The following H3-3A variants were observed in gnomAD, a reference collection of about 807,000 sequenced individuals.
H3-3A encodes histone H3.3.
For synonymous variants in H3-3A, 49 were observed against 61.4 expected, an observed-to-expected ratio of 0.80 and a Z score of 0.95; for missense variants, 7 against 184.0, an observed-to-expected ratio of 0.04 and a Z score of 5.57.
chr1:226,066,291 G>A lies in H3-3A; in HGVS notation c.282+482G>A, dbSNP rs576355384. 61 of 160,024 alleles carry A rather than the reference G, an allele frequency of 3.8e-4. 1 individual carries two copies. Among genetic ancestry groups the A allele is most frequent in the Middle Eastern group, 6.1e-3 (2 of 326 alleles). 9.9% of individuals were successfully genotyped at this position (160,024 alleles called of 1,614,324 possible). A position where few individuals can be genotyped will look rare whatever the true frequency, so the allele number is the denominator to read the frequency against. The stretch of plus-strand genomic sequence containing the variant: ...GTATTAAAAAATTATGCATTAAGAC[G>A]TAAAAGGAGCAGTGAGTGGAGGATA... On this transcript the variant is annotated intron_variant, in intron 3 of 3. Coordinates refer to ENST00000366815, the MANE Select transcript of H3-3A (RefSeq NM_002107.7).
At chr1:226,070,734 C>T (rs1249275482) in intron 3 of H3-3A, among the ~76,000 whole-genome samples, 1 of 152,042 alleles carries the variant, frequency 6.6e-6, no homozygotes, top group Non-Finnish European at 1.5e-5. Flanking sequence ...GATCGCGCTA[C>T]TGCACTCCAG....
intron 3 of H3-3A, among the ~76,000 whole-genome samples, chr1:226,068,999 G>A (rs544509272): frequency 1.5e-4 from 23 of 151,640 alleles, no homozygotes; most frequent in Non-Finnish European, 1.5e-5. Context: ...GAAACTTGTA[G>A]AAGAGTAGTG....
intron 3 of H3-3A, among the ~76,000 whole-genome samples, chr1:226,070,758 G>A (rs1227941352): frequency 1.5e-5 from 2 of 137,468 alleles, no homozygotes; most frequent in East Asian, 4.3e-4. Context: ...GGGCGACAGA[G>A]TAAGACTCCA....
Position 226,065,826 on chromosome 1 carries a change from G to C in H3-3A, c.282+17G>C, listed in dbSNP as rs780928290. On this transcript the variant is annotated intron_variant, in intron 3 of 3. Coordinates refer to ENST00000366815, the MANE Select transcript of H3-3A (RefSeq NM_002107.7). ...GCTTTGCAGGTAAAATGGTGGGTGG[G>C]AAGACTCAGAGTTTGTATTCCTGTT... The C allele has an allele frequency of 6.4e-7, 1 of 1,568,882 alleles. No individual in the cohort carries two copies. Among genetic ancestry groups the C allele is most frequent in the Non-Finnish European group, 8.7e-7 (1 of 1,150,548 alleles).
chr1:226,062,512 G>A (rs1310586065), upstream of H3-3A, among the ~76,000 whole-genome samples: 2 of 148,158 alleles, frequency 1.3e-5, no homozygotes, highest in South Asian at 4.2e-4. Context: ...ACGGCGCGAG[G>A]CGGCCTGGAG....
chr1:226,069,770 G>T (rs1269892174), intron 3 of H3-3A, among the ~76,000 whole-genome samples: 2 of 152,180 alleles, frequency 1.3e-5, no homozygotes, highest in African/African-American at 2.4e-5. Flanking sequence ...GGTGGAGGTT[G>T]CAGTGAGCCG....
At chr1:226,064,882 A>G (rs578065533) in intron 2 of H3-3A, among the ~76,000 whole-genome samples, 12 of 152,288 alleles carry the variant, frequency 7.9e-5, no homozygotes, top group Non-Finnish European at 1.5e-4. Context: ...GGTGTTTTAT[A>G]AAGTTCCTAC....
At chr1:226,070,570 G>A (rs143198531) in intron 3 of H3-3A, among the ~76,000 whole-genome samples, 2,433 of 152,144 alleles carry the variant, frequency 0.016, 59 homozygotes, top group African/African-American at 0.055. Flanking sequence ...TCAGGAGTTC[G>A]AGACCAGCCT....
chr1:226,070,162 C>T (rs1658061010), intron 3 of H3-3A, among the ~76,000 whole-genome samples: 1 of 152,014 alleles, frequency 6.6e-6, no homozygotes, highest in Non-Finnish European at 1.5e-5. Flanking sequence ...GGCATGTTTC[C>T]GGGGCATAGA....
intron 1 of H3-3A, among the ~76,000 whole-genome samples, chr1:226,063,315 TC>T (rs1186265894): frequency 2.0e-5 from 3 of 152,094 alleles, no homozygotes; most frequent in East Asian, 1.9e-4. Context: ...CCATATTTTT[TC>T]CCCCGTTTCT....
chr1:226,067,148 A>T (rs1657954196), intron 3 of H3-3A: 1 of 152,230 alleles, frequency 6.6e-6, no homozygotes. Context: ...ACAATACTGT[A>T]CTTGAAAAGT....
intron 2 of H3-3A, 40 bp from the exon 3 acceptor site, chr1:226,065,616 T>G (rs1172172970): frequency 6.8e-7 from 1 of 1,477,552 alleles, no homozygotes; most frequent in Non-Finnish European, 9.1e-7. Flanking sequence ...TTTGTGCTAG[T>G]TATGTTTTTG....
At chr1:226,071,177 G>A (rs1426402139) in intron 3 of H3-3A, among the ~76,000 whole-genome samples, 174 bp from the exon 4 acceptor site, 1 of 152,068 alleles carries the variant, frequency 6.6e-6, no homozygotes, top group African/African-American at 2.4e-5. Context: ...TTCATAAGCT[G>A]CTTTTGAGCT....
chr1:226,070,065 A>C (rs954521542), intron 3 of H3-3A, among the ~76,000 whole-genome samples: 6 of 152,306 alleles, frequency 3.9e-5, no homozygotes, highest in South Asian at 2.1e-4. Flanking sequence ...AATGGGAAAA[A>C]CCAGAGAAAT....
Position 226,067,507 on chromosome 1 carries a change from G to A in H3-3A, c.282+1698G>A, listed in dbSNP as rs372728644. 3.9e-5 allele frequency among the ~76,000 whole-genome samples: 6 copies of A among 152,312 alleles called. No individual in the cohort carries two copies. In the South Asian group the frequency reaches 1.2e-3, roughly 32 times the overall value. On this transcript the variant is annotated intron_variant, in intron 3 of 3. Coordinates refer to ENST00000366815, the MANE Select transcript of H3-3A (RefSeq NM_002107.7). ...TAATCCCAACACTTTGGGAGGCTGAGGTGGGTAGATCACCTGAGGTCAGGA... is the reference window on the plus strand; with the variant it reads ...TAATCCCAACACTTTGGGAGGCTGAAGTGGGTAGATCACCTGAGGTCAGGA...
At chr1:226,066,018 C>G in intron 3 of H3-3A, 2 of 599,012 alleles carry the variant, frequency 3.3e-6, no homozygotes, top group Non-Finnish European at 6.1e-6. Context: ...CTATTTGACT[C>G]CAAGGCTTAG....
intron 3 of H3-3A, among the ~76,000 whole-genome samples, chr1:226,069,517 A>T (rs990032398): frequency 1.3e-5 from 2 of 152,124 alleles, no homozygotes; most frequent in Non-Finnish European, 2.9e-5. Flanking sequence ...ATTTTTTAAA[A>T]TGGTAATTTC....
chr1:226,071,052 A>G (rs898227504), intron 3 of H3-3A, among the ~76,000 whole-genome samples: 1 of 152,194 alleles, frequency 6.6e-6, no homozygotes, highest in African/African-American at 2.4e-5. Flanking sequence ...TATTTGTGAC[A>G]TTTCAGTTTA....
intron 3 of H3-3A, among the ~76,000 whole-genome samples, chr1:226,070,807 A>G (rs962813904): frequency 6.6e-6 from 1 of 152,180 alleles, no homozygotes; most frequent in African/African-American, 2.4e-5. Context: ...CTAACTTGTG[A>G]TATGTTCTGG....
Sources: gnomAD v4.1 joint callset for allele counts (sites outside exome capture counted in the v4.1 genomes callset) on GRCh38, gnomAD v4.1.1 for gene constraint, MANE v1.5 for transcripts, NCBI Gene and HGNC (gene_info 2026-07-23, HGNC 2026-07-21) for gene names.